GMCL1: variants seen among roughly 807,000 people sequenced by gnomAD.
The protein encoded by GMCL1 is germ cell-less protein-like 1.
In GMCL1, 54 loss-of-function variants were observed where a neutral mutation model predicts 75.5. That is an observed-to-expected ratio of 0.71 (90% CI 0.57 to 0.90). The LOEUF (loss-of-function observed/expected upper bound fraction) is 0.90. GMCL1 is among the 40% of genes least tolerant of loss of function. The pLI is 0.00. For missense variants in GMCL1, 537 were observed against 622.7 expected, an observed-to-expected ratio of 0.86 and a Z score of 1.47; for synonymous variants, 210 against 209.6, an observed-to-expected ratio of 1.00 and a Z score of -0.02.
chr2:69,877,815 C>A (rs1216247310), intron 13 of GMCL1, among the ~76,000 whole-genome samples: 2 of 152,066 alleles, frequency 1.3e-5, no homozygotes, highest in Non-Finnish European at 2.9e-5. Context: ...AGTGAGTCTG[C>A]TTCAGTCACA....
chr2:69,849,014 G>A (rs1675233831), intron 7 of GMCL1, among the ~76,000 whole-genome samples: 1 of 152,018 alleles, frequency 6.6e-6, no homozygotes, highest in African/African-American at 2.4e-5. Flanking sequence ...TGAGTTGTTA[G>A]TAGAATAAAT....
chr2:69,850,128 T>C (rs1278514501), intron 8 of GMCL1, among the ~76,000 whole-genome samples: 5 of 152,154 alleles, frequency 3.3e-5, no homozygotes, highest in East Asian at 1.9e-4. Context: ...ATTCTTAACA[T>C]AGGGGCCATA....
At chr2:69,850,715 AT>A (rs1447989328) in intron 8 of GMCL1, among the ~76,000 whole-genome samples, 2 of 152,234 alleles carry the variant, frequency 1.3e-5, no homozygotes, top group African/African-American at 2.4e-5. Flanking sequence ...CTCTGAAAAA[AT>A]AATCCTTGAT....
At chr2:69,853,257 T>C (rs533131274) in intron 8 of GMCL1, among the ~76,000 whole-genome samples, 29 of 152,340 alleles carry the variant, frequency 1.9e-4, no homozygotes, top group African/African-American at 6.5e-4. Context: ...AATGTTGTTA[T>C]TTTTAAACTC....
At chr2:69,869,063 A>AC (rs1435913632) in intron 11 of GMCL1, among the ~76,000 whole-genome samples, 12 of 151,048 alleles carry the variant, frequency 7.9e-5, no homozygotes, top group African/African-American at 2.4e-4. Flanking sequence ...GACCAGCCTG[A>AC]CCAACATGGA....
chr2:69,877,365 C>A (rs1284602973), intron 13 of GMCL1, among the ~76,000 whole-genome samples: 1 of 152,140 alleles, frequency 6.6e-6, no homozygotes, highest in African/African-American at 2.4e-5. Flanking sequence ...TTTGACCTAC[C>A]CTTCCCTGCC....
At chr2:69,866,278 A>G (rs1675815619) in intron 11 of GMCL1, among the ~76,000 whole-genome samples, 1 of 151,406 alleles carries the variant, frequency 6.6e-6, no homozygotes, top group Admixed American at 6.6e-5. Context: ...ATTGTATCTT[A>G]TTAAATTGAT....
intron 6 of GMCL1, among the ~76,000 whole-genome samples, chr2:69,845,348 G>A (rs533236139): frequency 2.6e-5 from 4 of 152,330 alleles, no homozygotes; most frequent in East Asian, 1.9e-4. Flanking sequence ...GCAGTCACCC[G>A]TGAGAAATGG....
intron 2 of GMCL1, among the ~76,000 whole-genome samples, chr2:69,838,336 C>CAAAAAAAAAAAAAAA (rs71397366): frequency 4.4e-4 from 14 of 31,522 alleles, no homozygotes; most frequent in Non-Finnish European, 6.2e-4. Flanking sequence ...GACTCTGTCT[C>CAAAAAAAAAAAAAAA]AAAAAAAAAA....
At chr2:69,865,801 C>T (rs1343638132) in intron 11 of GMCL1, among the ~76,000 whole-genome samples, 1 of 152,074 alleles carries the variant, frequency 6.6e-6, no homozygotes, top group Non-Finnish European at 1.5e-5. Context: ...ACAGGCTCTC[C>T]CTCTGTCACC....
intron 1 of GMCL1, among the ~76,000 whole-genome samples, chr2:69,833,418 C>T (rs190206434): frequency 6.6e-6 from 1 of 152,116 alleles, no homozygotes; most frequent in Admixed American, 6.5e-5. Flanking sequence ...AGTTTGAGAC[C>T]AGCCTGACCA....
chr2:69,863,546 A>G (rs1675718709), intron 10 of GMCL1, among the ~76,000 whole-genome samples: 1 of 152,222 alleles, frequency 6.6e-6, no homozygotes, highest in African/African-American at 2.4e-5. Flanking sequence ...GTCCAGGGAT[A>G]TTTGATGACA....
Position 69,879,904 on chromosome 2 carries a change from G to C in GMCL1, c.*900G>C, listed in dbSNP as rs1380981247. On this transcript the variant is annotated 3_prime_UTR_variant, in exon 14 of 14. Transcript: ENST00000282570. The stretch of plus-strand genomic sequence containing the variant: ...TGTTCAAATTTTAGTTGGGAACTTT[G>C]TTTCCTACTTAAGCTCAGGACTTTT... 1.3e-5 allele frequency: 2 copies of C among 152,074 alleles called. No individual in the cohort carries two copies. Among genetic ancestry groups the C allele is most frequent in the African/African-American group, 4.8e-5 (2 of 41,406 alleles). 9.4% of individuals were successfully genotyped at this position (152,074 alleles called of 1,614,324 possible).
Position 69,830,076 on chromosome 2 carries a change from T to G in GMCL1, c.184T>G (p.Cys62Gly), listed in dbSNP as rs1379904975. 6.3e-7 allele frequency: 1 copy of G among 1,575,882 alleles called. No homozygotes were observed. The highest frequency in any genetic ancestry group is 8.6e-7 in the Non-Finnish European group (1 of 1,160,116). The change falls in exon 1 of 14, where the codon TGT (cysteine) becomes GGT (glycine). Residue 62 changes from cysteine to glycine, a missense_variant. This residue lies in a region of GMCL1 where 144 missense variants were observed against 127.2 expected (regional missense o/e 1.13). Coordinates refer to ENST00000282570, the MANE Select transcript of GMCL1 (RefSeq NM_178439.5). ...RKRSSGSFCY[C>G]HPDSETDEDE... ...GCGGAGCAGCGGGTCCTTCTGCTACTGTCACCCTGACTCGGAGACGGACGA... is the reference window on the plus strand; with the variant it reads ...GCGGAGCAGCGGGTCCTTCTGCTACGGTCACCCTGACTCGGAGACGGACGA...
At chr2:69,839,395 G>T in intron 2 of GMCL1, 62 bp from the exon 3 acceptor site, 1 of 981,986 alleles carries the variant, frequency 1.0e-6, no homozygotes, top group South Asian at 1.4e-5. Context: ...ATTAGAAATG[G>T]GCAAATAATT....
rs368631820 is a variant in GMCL1, at chr2:69,829,694, G to A, written c.-199G>A. 3.3e-5 allele frequency: 19 copies of A among 570,606 alleles called. No individual in the cohort carries two copies. Among genetic ancestry groups the A allele is most frequent in the African/African-American group, 2.2e-4 (11 of 49,978 alleles). The allele number at this position is 570,606 out of a possible 1,614,324, so 35.3% of individuals were successfully genotyped here. ...CGAAAGCGAGGGGGCGAGGTGCTGCGGTGCTAGAGCGCGGCGCGACCGGAC... is the reference window on the plus strand; with the variant it reads ...CGAAAGCGAGGGGGCGAGGTGCTGCAGTGCTAGAGCGCGGCGCGACCGGAC... On this transcript the variant is annotated 5_prime_UTR_variant, in exon 1 of 14. Transcript: ENST00000282570.
intron 11 of GMCL1, among the ~76,000 whole-genome samples, chr2:69,866,624 A>C (rs1013389617): frequency 2.0e-5 from 3 of 151,928 alleles, no homozygotes; most frequent in Admixed American, 2.0e-4. Flanking sequence ...ACAGCCAGCT[A>C]ATTTTATTTT....
chr2:69,875,789 G>T (rs1676114077), intron 13 of GMCL1, among the ~76,000 whole-genome samples: 1 of 151,926 alleles, frequency 6.6e-6, no homozygotes, highest in South Asian at 2.1e-4. Flanking sequence ...CCACCTCCCG[G>T]GTTCAAGCGA....
chr2:69,830,265 G>A (rs1326078505), intron 1 of GMCL1, 113 bp downstream of exon 1: 8 of 1,349,394 alleles, frequency 5.9e-6, no homozygotes, highest in Non-Finnish European at 7.9e-6. Flanking sequence ...ATGGAGAGGG[G>A]ACGTGCCCTT....
Sources: gnomAD v4.1 joint callset for allele counts (sites outside exome capture counted in the v4.1 genomes callset) on GRCh38, gnomAD v4.1.1 for gene constraint, gnomAD v4.1.1 regional missense constraint, MANE v1.5 for transcripts, NCBI Gene and HGNC (gene_info 2026-07-23, HGNC 2026-07-21) for gene names.